The following TMTC4 variants were observed in gnomAD, a reference collection of about 807,000 sequenced individuals.
The protein encoded by TMTC4 is transmembrane O-mannosyltransferase targeting cadherins 4, also known as protein O-mannosyl-transferase TMTC4.
TMTC4 carries 65 observed loss-of-function variants against 86.0 expected under a neutral mutation model. That is an observed-to-expected ratio of 0.76 (90% CI 0.62 to 0.93). The LOEUF (loss-of-function observed/expected upper bound fraction) is 0.93, where lower values mean the gene tolerates loss of function less well. TMTC4 is among the 40% of genes least tolerant of loss of function. TMTC4 has a pLI of 0.00. For missense variants in TMTC4, 866 were observed against 948.1 expected, an observed-to-expected ratio of 0.91 and a Z score of 1.14; for synonymous variants, 379 against 382.5, an observed-to-expected ratio of 0.99 and a Z score of 0.11.
chr13:100,630,362 A>G (rs2138837171), intron 12 of TMTC4, among the ~76,000 whole-genome samples: 1 of 152,286 alleles, frequency 6.6e-6, no homozygotes, highest in South Asian at 2.1e-4. Context: ...ACAAGCAGAG[A>G]AATTGCAGGT....
intron 1 of TMTC4, among the ~76,000 whole-genome samples, chr13:100,671,126 CGTT>C (rs1269212988): frequency 6.6e-6 from 1 of 152,110 alleles, no homozygotes; most frequent in African/African-American, 2.4e-5. Flanking sequence ...CCGGTTTTGA[CGTT>C]ATCTGTTTTA....
intron 6 of TMTC4, among the ~76,000 whole-genome samples, chr13:100,650,012 C>T (rs932923849): frequency 6.6e-6 from 1 of 151,946 alleles, no homozygotes; most frequent in African/African-American, 2.4e-5. Context: ...ATCACTCTTC[C>T]CCAGCATTCT....
At chr13:100,642,336 T>C in intron 6 of TMTC4, 25 bp from the exon 7 acceptor site, 1 of 1,612,496 alleles carries the variant, frequency 6.2e-7, no homozygotes, top group Non-Finnish European at 8.5e-7. Context: ...AAATGATCAG[T>C]GCAAAAGTCA....
At chr13:100,635,253 T>C in intron 10 of TMTC4, 58 bp from the exon 11 acceptor site, 1 of 1,446,846 alleles carries the variant, frequency 6.9e-7, no homozygotes, top group Non-Finnish European at 9.2e-7. Flanking sequence ...AAGAAAAACA[T>C]CCTACTCCAC....
At chr13:100,664,375 C>T in intron 3 of TMTC4, 39 bp from the exon 4 acceptor site, 2 of 1,500,646 alleles carry the variant, frequency 1.3e-6, no homozygotes, top group Non-Finnish European at 1.8e-6. Flanking sequence ...ACAAGGGTCT[C>T]CCATCAGCCC....
chr13:100,656,864 T>G (rs1885181909), intron 5 of TMTC4, among the ~76,000 whole-genome samples: 1 of 152,046 alleles, frequency 6.6e-6, no homozygotes. Context: ...TCTTTAGACA[T>G]ATAAAACAAG....
At chr13:100,655,786 TAA>T (rs1885033713) in intron 6 of TMTC4, among the ~76,000 whole-genome samples, 1 of 15,096 alleles carries the variant, frequency 6.6e-5, no homozygotes, top group Non-Finnish European at 2.7e-4. Context: ...CTTGATAAGG[TAA>T]TAATAATAAA....
chr13:100,659,209 T>C lies in TMTC4; in HGVS notation c.553-2741A>G, dbSNP rs141495403. On this transcript the variant is annotated intron_variant, in intron 5 of 18. Coordinates refer to ENST00000342624, the MANE Select transcript of TMTC4 (RefSeq NM_032813.5). ...GGATGGGGAAGGTTTCCCCTCCCGA[T>C]TCCTTCTGGGTTAACGTCTGGGTTC... is the stretch of plus-strand genomic sequence containing the variant. Among the ~76,000 whole-genome samples, 187 of 152,300 alleles carry C rather than the reference T, an allele frequency of 1.2e-3. 1 individual carries two copies. The highest frequency in any genetic ancestry group is 4.3e-3 in the African/African-American group (178 of 41,560).
At chr13:100,673,381 G>C in intron 1 of TMTC4, 2 of 984,928 alleles carry the variant, frequency 2.0e-6, no homozygotes, top group Non-Finnish European at 2.4e-6. Context: ...CATGCATCCA[G>C]GGGCCTGCTG....
intron 15 of TMTC4, chr13:100,624,578 A>G (rs1166913279): frequency 1.3e-5 from 2 of 151,838 alleles, no homozygotes; most frequent in Non-Finnish European, 2.9e-5. Context: ...AACAAAACAA[A>G]CAAACAAACA....
At chr13:100,674,001 CTTTT>C (rs1420435444) in intron 1 of TMTC4, 2 of 984,768 alleles carry the variant, frequency 2.0e-6, no homozygotes, top group Non-Finnish European at 1.2e-6. Context: ...CTCCTCCCTT[CTTTT>C]GTGTGTGGTT....
intron 12 of TMTC4, among the ~76,000 whole-genome samples, chr13:100,629,837 T>C (rs78412418): frequency 0.014 from 2,127 of 152,112 alleles, 49 homozygotes; most frequent in African/African-American, 0.048. Flanking sequence ...AGAGGAAATA[T>C]GGACACAGAC....
intron 17 of TMTC4, among the ~76,000 whole-genome samples, chr13:100,608,577 G>C (rs1480514673): frequency 3.9e-5 from 6 of 152,304 alleles, no homozygotes; most frequent in Non-Finnish European, 8.8e-5. Context: ...CCTGTACCTG[G>C]GCCTGGGAGT....
rs190849211 is a variant in TMTC4 at position 100,631,736 on chromosome 13, T to C, written c.1506+3069A>G. Among the ~76,000 whole-genome samples, 4 of 152,270 alleles carry C rather than the reference T, an allele frequency of 2.6e-5. No individual in the cohort carries two copies. In the South Asian group the frequency reaches 8.3e-4, roughly 32 times the overall value. ...TACTTTATATTCAATAGATATCAAA[T>C]GAAACCAGTATAGAAAATGTGTCCC... On this transcript the variant is annotated intron_variant, in intron 12 of 18. Transcript: ENST00000342624.
chr13:100,674,579 C>G, intron 1 of TMTC4, 165 bp downstream of exon 1: 1 of 982,496 alleles, frequency 1.0e-6, no homozygotes, highest in Middle Eastern at 5.2e-4. Context: ...CGGCCCGGGC[C>G]GCAGCTCAGG....
At chr13:100,636,934 T>C (rs1441560259) in intron 9 of TMTC4, among the ~76,000 whole-genome samples, 200 bp from the exon 10 acceptor site, 1 of 152,178 alleles carries the variant, frequency 6.6e-6, no homozygotes, top group Non-Finnish European at 1.5e-5. Context: ...TTTTGGTATA[T>C]AAAAATATGG....
intron 6 of TMTC4, among the ~76,000 whole-genome samples, chr13:100,645,579 T>A (rs1215570107): frequency 6.6e-6 from 1 of 150,500 alleles, no homozygotes; most frequent in African/African-American, 2.5e-5. Flanking sequence ...CACCTCTCCA[T>A]GTCCCTGACT....
intron 15 of TMTC4, chr13:100,625,319 T>G (rs916350626): frequency 1.6e-5 from 10 of 620,634 alleles, no homozygotes; most frequent in African/African-American, 9.2e-5. Context: ...GTGGGTGACC[T>G]CTTAAACTTG....
rs35254351 is a variant in TMTC4 at position 100,644,098 on chromosome 13, C to CTT, written c.641-1789_641-1788dup. The stretch of plus-strand genomic sequence containing the variant: ...TTCTGGCCTGGGGGTGGGAGGCGCT[C>CTT]TTTTTTTTTTTTTTTTTTTCTTTTT... On this transcript the variant is annotated intron_variant, in intron 6 of 18. Coordinates refer to ENST00000342624, the MANE Select transcript of TMTC4 (RefSeq NM_032813.5). Among the ~76,000 whole-genome samples, 60 of 132,266 alleles carry CTT rather than the reference C, an allele frequency of 4.5e-4. 1 individual carries two copies. The highest frequency in any genetic ancestry group is 8.1e-4 in the African/African-American group (29 of 35,888). The allele number at this position is 132,266 out of a possible 152,430, so 86.8% of individuals were successfully genotyped here. A position where few individuals can be genotyped will look rare whatever the true frequency, so the allele number is the denominator to read the frequency against.
Sources: allele counts gnomAD v4.1 joint callset (sites outside exome capture counted in the v4.1 genomes callset), GRCh38; gene constraint gnomAD v4.1.1; transcripts MANE v1.5; gene names NCBI Gene and HGNC (gene_info 2026-07-23, HGNC 2026-07-21).